TMPRSS6: variants seen among roughly 807,000 people sequenced by gnomAD.
The protein encoded by TMPRSS6 is transmembrane serine protease 6, also known as transmembrane protease serine 6.
A neutral mutation model predicts 101.5 loss-of-function variants in TMPRSS6; 67 were observed. The ratio of observed to expected loss-of-function variants is 0.66; its 90% confidence interval spans 0.54 to 0.81. The LOEUF is 0.81. Ranked by LOEUF, TMPRSS6 falls within the 30% of genes least tolerant of loss-of-function variation. The pLI, the probability that TMPRSS6 is intolerant of heterozygous loss-of-function variation, is 0.00. For synonymous variants in TMPRSS6, 453 were observed against 464.9 expected, an observed-to-expected ratio of 0.97 and a Z score of 0.33; for missense variants, 1,034 against 1,088.7, an observed-to-expected ratio of 0.95 and a Z score of 0.71.
chr22:37,106,812 A>G (rs933607995), intron 1 of TMPRSS6, among the ~76,000 whole-genome samples: 1 of 152,086 alleles, frequency 6.6e-6, no homozygotes, highest in Non-Finnish European at 1.5e-5. Flanking sequence ...CCCCAGGCCC[A>G]CGAGACCCTG....
Position 37,069,057 on chromosome 22 carries a change from A to G in TMPRSS6, c.2113+16T>C. The G allele has an allele frequency of 6.5e-7, 1 of 1,536,952 alleles. No homozygotes were observed. Among genetic ancestry groups the G allele is most frequent in the Non-Finnish European group, 8.7e-7 (1 of 1,147,302 alleles). ...CGGTCTCCCTCCGCCTCCCGCCGCA[A>G]GTCCCCGCTGCTCACCGCCCTCGCG... On this transcript the variant is annotated intron_variant, in intron 16 of 17. Coordinates refer to ENST00000676104, the MANE Select transcript of TMPRSS6 (RefSeq NM_001374504.1). The surrounding 1 kb of genome is among the most constrained non-coding windows in gnomAD (Gnocchi z 4.8).
intron 8 of TMPRSS6, among the ~76,000 whole-genome samples, chr22:37,085,360 C>T (rs1006609726): frequency 6.6e-6 from 1 of 152,182 alleles, no homozygotes; most frequent in East Asian, 1.9e-4. Flanking sequence ...CCGCCTCGAG[C>T]CTGTGTCAGA....
Position 37,072,618 on chromosome 22 carries a change from A to AGGAT in TMPRSS6, c.1555+913_1555+914insATCC, listed in dbSNP as rs1568999567. On this transcript the variant is annotated intron_variant, in intron 13 of 17. Coordinates refer to ENST00000676104, the MANE Select transcript of TMPRSS6 (RefSeq NM_001374504.1). ...TGATGGATGGATGGATGGATGATGG[A>AGGAT]CGATGGATGGATGGATGATGGACGG... Among the ~76,000 whole-genome samples, 5 of 111,476 alleles carry AGGAT rather than the reference A, an allele frequency of 4.5e-5. No homozygotes were observed. The South Asian group carries it at 1.0e-3, about 23-fold the overall frequency. 73.1% of individuals were successfully genotyped at this position (111,476 alleles called of 152,430 possible).
At chr22:37,079,569 G>A (rs1286148248) in intron 10 of TMPRSS6, among the ~76,000 whole-genome samples, 3 of 152,212 alleles carry the variant, frequency 2.0e-5, no homozygotes, top group Admixed American at 1.3e-4. Flanking sequence ...TGCTGAAGAG[G>A]GGAGGAGAGC....
chr22:37,085,928 G>A (rs923718613), intron 8 of TMPRSS6, among the ~76,000 whole-genome samples: 3 of 152,034 alleles, frequency 2.0e-5, no homozygotes, highest in African/African-American at 7.2e-5. Flanking sequence ...GAGGGGCAGA[G>A]GGGAGGGGAC....
At chr22:37,102,358 G>A (rs564944662) in intron 2 of TMPRSS6, among the ~76,000 whole-genome samples, 63 of 152,342 alleles carry the variant, frequency 4.1e-4, no homozygotes, top group Admixed American at 2.7e-3. Context: ...CACAGGAGGT[G>A]CTTGGCACTG....
At chr22:37,089,245 G>A (rs752155067) in intron 7 of TMPRSS6, among the ~76,000 whole-genome samples, 1 of 152,138 alleles carries the variant, frequency 6.6e-6, no homozygotes, top group Non-Finnish European at 1.5e-5. Context: ...ATTTAGGAAC[G>A]AGCCCAGAGG....
chr22:37,104,027 C>A (rs1930556124), intron 1 of TMPRSS6, among the ~76,000 whole-genome samples: 1 of 152,170 alleles, frequency 6.6e-6, no homozygotes, highest in Non-Finnish European at 1.5e-5. Context: ...AACTAATATT[C>A]ATTTCGTGCC....
chr22:37,067,601 TGCA>T (rs1601512756), intron 16 of TMPRSS6, among the ~76,000 whole-genome samples: 1 of 152,182 alleles, frequency 6.6e-6, no homozygotes, highest in East Asian at 1.9e-4. Context: ...TTACAGCACC[TGCA>T]GATGTCTCCG....
At chr22:37,104,587 C>T (rs576078343) in intron 1 of TMPRSS6, among the ~76,000 whole-genome samples, 1 of 152,338 alleles carries the variant, frequency 6.6e-6, no homozygotes, top group Non-Finnish European at 1.5e-5. Flanking sequence ...CTTTGACCCA[C>T]CCACCGGGAG....
rs1416004303 is a variant in TMPRSS6 at position 37,069,343 on chromosome 22, T to TGGTGG, written c.1842_1843insCCACC (p.Met615ProfsTer30). 4.1e-5 allele frequency: 10 copies of TGGTGG among 242,800 alleles called. No individual in the cohort carries two copies. The African/African-American group carries it at 8.1e-4, about 20-fold the overall frequency. The allele number at this position is 242,800 out of a possible 1,614,324, so 15.0% of individuals were successfully genotyped here. A position where few individuals can be genotyped will look rare whatever the true frequency, so the allele number is the denominator to read the frequency against. On this transcript the variant is annotated frameshift_variant and splice_region_variant, in exon 16 of 18. Coordinates refer to ENST00000676104, the MANE Select transcript of TMPRSS6 (RefSeq NM_001374504.1). LOFTEE classifies it high-confidence loss of function. This position sits in a 1 kb window ranked among gnomAD's most constrained non-coding sequence, Gnocchi z 4.8. ...ACGGTCCACAGCACCGTGGAGGCCA[T>TGGTGG]GCTGGGGTGGGGTGGGGTGGGGTGG...
intron 13 of TMPRSS6, among the ~76,000 whole-genome samples, chr22:37,072,550 AT>A (rs1927139847): frequency 8.8e-6 from 1 of 113,136 alleles, no homozygotes; most frequent in South Asian, 2.7e-4. Context: ...TGATGGATGA[AT>A]GGATGGATGA....
At chr22:37,078,545 G>A (rs143864556) in intron 10 of TMPRSS6, among the ~76,000 whole-genome samples, 35 of 152,274 alleles carry the variant, frequency 2.3e-4, no homozygotes, top group Non-Finnish European at 2.9e-4. Flanking sequence ...GGAATTCAAG[G>A]CAGCGGCTGA....
At chr22:37,104,308 C>T (rs1227360722) in intron 1 of TMPRSS6, among the ~76,000 whole-genome samples, 1 of 152,108 alleles carries the variant, frequency 6.6e-6, no homozygotes, top group Non-Finnish European at 1.5e-5. Flanking sequence ...ATTAAAAAAA[C>T]CCTGAAGCCC....
chr22:37,104,053 A>C (rs75720845), intron 1 of TMPRSS6, among the ~76,000 whole-genome samples: 2,264 of 152,236 alleles, frequency 0.015, 72 homozygotes, highest in African/African-American at 0.053. Flanking sequence ...GAGACATCTC[A>C]CACTTAATTT....
intron 1 of TMPRSS6, among the ~76,000 whole-genome samples, chr22:37,107,044 G>A (rs759454618): frequency 2.0e-5 from 3 of 152,242 alleles, no homozygotes; most frequent in Admixed American, 6.5e-5. Context: ...ATGGAACGCC[G>A]CACAGCCCGT....
At chr22:37,109,253 C>T (rs529221553) in intron 1 of TMPRSS6, 3 of 152,680 alleles carry the variant, frequency 2.0e-5, no homozygotes, top group Non-Finnish European at 4.4e-5. Context: ...AGGCCACCAA[C>T]CACCCAGCAC....
At chr22:37,087,849 T>C (rs1928909218) in intron 7 of TMPRSS6, among the ~76,000 whole-genome samples, 1 of 152,082 alleles carries the variant, frequency 6.6e-6, no homozygotes, top group Non-Finnish European at 1.5e-5. Context: ...AGAGCCCTTC[T>C]TATAAATGAA....
chr22:37,070,807 T>C (rs1226279497), intron 14 of TMPRSS6, 109 bp downstream of exon 14: 10 of 1,315,828 alleles, frequency 7.6e-6, no homozygotes. Context: ...GGGCAGAGGA[T>C]GAGATAGAGA....
Sources: allele counts gnomAD v4.1 joint callset (sites outside exome capture counted in the v4.1 genomes callset), GRCh38; gene constraint gnomAD v4.1.1; non-coding constraint Gnocchi (gnomAD v3.1); transcripts MANE v1.5; gene names NCBI Gene and HGNC (gene_info 2026-07-23, HGNC 2026-07-21).